ANAPC11: variants seen among roughly 807,000 people sequenced by gnomAD.
ANAPC11 encodes anaphase promoting complex subunit 11.
ANAPC11 carries 5 observed loss-of-function variants against 11.8 expected under a neutral mutation model. The ratio of observed to expected loss-of-function variants is 0.42; its 90% CI spans 0.22 to 0.89. The LOEUF (loss-of-function observed/expected upper bound fraction) is 0.89. Among genes scored for constraint, ANAPC11 ranks in the 40% least tolerant of loss-of-function variants. The pLI is 0.28. For synonymous variants in ANAPC11, 45 were observed against 41.0 expected, an observed-to-expected ratio of 1.10 and a Z score of -0.38; for missense variants, 68 against 112.9, an observed-to-expected ratio of 0.60 and a Z score of 1.80.
At chr17:81,894,106 C>T (rs2039649352) in intron 2 of ANAPC11, among the ~76,000 whole-genome samples, 1 of 151,736 alleles carries the variant, frequency 6.6e-6, no homozygotes, top group Non-Finnish European at 1.5e-5. Flanking sequence ...GGTGAAACCT[C>T]GACTACTAAA....
At chr17:81,899,213 G>C in intron 3 of ANAPC11, 1 of 1,602,220 alleles carries the variant, frequency 6.2e-7, no homozygotes, top group Non-Finnish European at 8.5e-7. Flanking sequence ...CTTGATCATG[G>C]CTGATACAAG....
upstream of ANAPC11, chr17:81,891,717 AG>A (rs1320273481): frequency 1.3e-6 from 1 of 796,134 alleles, no homozygotes; most frequent in African/African-American, 1.9e-5. Flanking sequence ...TGAGGCGGGG[AG>A]GCGCGTGCGC....
At chr17:81,891,524 G>T (rs1376666253), upstream of ANAPC11, 2 of 1,411,162 alleles carry the variant, frequency 1.4e-6, no homozygotes, top group Admixed American at 2.6e-5. Context: ...TCAGTTTAAT[G>T]ATGTCGTCCA....
At chr17:81,897,654 T>C (rs2039789188) in intron 3 of ANAPC11, among the ~76,000 whole-genome samples, 1 of 152,146 alleles carries the variant, frequency 6.6e-6, no homozygotes, top group Admixed American at 6.5e-5. Flanking sequence ...TTTTTTATTT[T>C]TTTATTTTTT....
In ANAPC11 at chr17:81,894,451, G is replaced by T. The variant is rs1367066688; in HGVS notation, c.-11-16G>T. 1.3e-6 allele frequency: 2 copies of T among 1,541,674 alleles called. No individual in the cohort carries two copies. The highest frequency in any genetic ancestry group is 1.8e-6 in the Non-Finnish European group (2 of 1,116,088). On this transcript the variant is annotated splice_polypyrimidine_tract_variant and intron_variant, in intron 2 of 3. Transcript: ENST00000344877. ...CAGACTCAATTTAGCCAGTCGTCCTGTTCCCTCCGCCGCAGGCTCTGCTGC... is the reference window on the plus strand; with the variant it reads ...CAGACTCAATTTAGCCAGTCGTCCTTTTCCCTCCGCCGCAGGCTCTGCTGC...
intron 3 of ANAPC11, 135 bp from the exon 4 acceptor site, chr17:81,899,785 G>A (rs775732270): frequency 6.7e-5 from 69 of 1,033,446 alleles, no homozygotes; most frequent in South Asian, 2.3e-4. Flanking sequence ...TCCTGATTTC[G>A]GCTTCTCTGA....
chr17:81,895,343 G>GCC (rs535527737), intron 3 of ANAPC11, among the ~76,000 whole-genome samples: 4 of 151,440 alleles, frequency 2.6e-5, no homozygotes, highest in Non-Finnish European at 5.9e-5. Context: ...GAACCACCGT[G>GCC]CCCCCCCCAA....
At position 81,900,109 on chromosome 17, in the gene ANAPC11, C is replaced by A; in HGVS notation, c.*44C>A. ...CTGGAGGGGCATCCTGAGACTCCTT[C>A]CTCATGCTGGCGCCGATGGCTGCTG... On this transcript the variant is annotated 3_prime_UTR_variant, in exon 4 of 4. Transcript: ENST00000344877. 6.2e-7 allele frequency: 1 copy of A among 1,609,330 alleles called. No individual in the cohort carries two copies. The highest frequency in any genetic ancestry group is 1.1e-5 in the South Asian group (1 of 90,224).
At chr17:81,899,124 T>C (rs915985531) in intron 3 of ANAPC11, 1 of 1,116,122 alleles carries the variant, frequency 9.0e-7, no homozygotes, top group Admixed American at 2.5e-5. Context: ...GGGCTGGGGC[T>C]GGGACTTGCT....
chr17:81,899,812 G>A (rs984875160), intron 3 of ANAPC11, 108 bp from the exon 4 acceptor site: 22 of 1,173,948 alleles, frequency 1.9e-5, no homozygotes, highest in Non-Finnish European at 2.6e-5. Flanking sequence ...AGAGGCTGCA[G>A]TGCTGGAGCC....
At chr17:81,891,645 G>A (rs976097344), upstream of ANAPC11, 1 of 1,296,542 alleles carries the variant, frequency 7.7e-7, no homozygotes, top group Non-Finnish European at 9.9e-7. Context: ...GCCTTCCGGT[G>A]CCACGGCCTC....
Position 81,891,741 on chromosome 17 carries a change from G to C in ANAPC11, c.-175G>C, listed in dbSNP as rs965764603. 3.8e-6 allele frequency: 2 copies of C among 520,058 alleles called. No homozygotes were observed. Among genetic ancestry groups the C allele is most frequent in the East Asian group, 6.5e-5 (1 of 15,496 alleles). 32.2% of individuals were successfully genotyped at this position (520,058 alleles called of 1,614,324 possible). A position where few individuals can be genotyped will look rare whatever the true frequency, so the allele number is the denominator to read the frequency against. ...GAGGCGCGTGCGCACTGGCGTGCGA[G>C]ACTCGGCGGGCGCTGTTGAGGGAGT... On this transcript the variant is annotated 5_prime_UTR_variant, in exon 1 of 4. Coordinates refer to ENST00000344877, the MANE Select transcript of ANAPC11 (RefSeq NM_001002248.3).
chr17:81,895,597 T>G (rs1009512090), intron 3 of ANAPC11, among the ~76,000 whole-genome samples: 142 of 151,890 alleles, frequency 9.3e-4, no homozygotes, highest in Non-Finnish European at 1.6e-3. Flanking sequence ...GATCACAAGG[T>G]CAAGAGATGG....
At chr17:81,891,215 C>T (rs1221902099), upstream of ANAPC11, 5 of 978,762 alleles carry the variant, frequency 5.1e-6, no homozygotes, top group Non-Finnish European at 6.2e-6. Flanking sequence ...GGCGGCCGCT[C>T]CACCAGCCTT....
chr17:81,891,579 A>C, upstream of ANAPC11: 2 of 1,411,658 alleles, frequency 1.4e-6, no homozygotes, highest in East Asian at 7.0e-5. Flanking sequence ...GGAATCGGGC[A>C]TCGGCTCGAG....
chr17:81,900,080 C>T lies in ANAPC11; in HGVS notation c.*15C>T, dbSNP rs1002782689. Reference sequence around the variant, plus strand: ...TCAAGGAGTGAGGCCCGACCTGGCTCTCGCTGGAGGGGCATCCTGAGACTC... The same window carrying T: ...TCAAGGAGTGAGGCCCGACCTGGCTTTCGCTGGAGGGGCATCCTGAGACTC... On this transcript the variant is annotated 3_prime_UTR_variant, in exon 4 of 4. Transcript: ENST00000344877. 2 of 1,612,028 alleles carry T rather than the reference C, an allele frequency of 1.2e-6. No homozygotes were observed. The highest frequency in any genetic ancestry group is 1.7e-6 in the Non-Finnish European group (2 of 1,179,652).
At chr17:81,898,879 T>A in intron 3 of ANAPC11, 1 of 294,880 alleles carries the variant, frequency 3.4e-6, no homozygotes, top group South Asian at 5.5e-5. Context: ...CACCTTTGAC[T>A]AAACGAGGCC....
chr17:81,892,155 C>G (rs1312758972), intron 1 of ANAPC11: 3 of 152,874 alleles, frequency 2.0e-5, no homozygotes, highest in Admixed American at 2.0e-4. Context: ...TGCACTGTCA[C>G]ATTTTGCCAG....
At chr17:81,890,965 A>T, upstream of ANAPC11, 17 of 1,259,740 alleles carry the variant, frequency 1.3e-5, no homozygotes, top group Non-Finnish European at 1.9e-5. Context: ...CCGGCGCTGC[A>T]GCTGCCCCAG....
Sources: allele counts gnomAD v4.1 joint callset (sites outside exome capture counted in the v4.1 genomes callset), GRCh38; gene constraint gnomAD v4.1.1; transcripts MANE v1.5; gene names NCBI Gene and HGNC (gene_info 2026-07-23, HGNC 2026-07-21).